Variants in MALRD1 observed in about 807,000 individuals in gnomAD.
MALRD1 encodes MAM and LDL receptor class A domain containing 1.
MALRD1 carries 247 observed loss-of-function variants against 242.1 expected under a neutral mutation model. That is an observed-to-expected ratio of 1.02 (90% CI 0.92 to 1.13). The LOEUF is 1.13. Ranked by LOEUF, MALRD1 falls within the 50% of genes most tolerant of loss-of-function variation. MALRD1 has a pLI of 0.00. For synonymous variants in MALRD1, 995 were observed against 866.6 expected (o/e 1.15, Z -2.60); for missense variants, 2,989 against 2,533.1 (o/e 1.18, Z -3.86).
In MALRD1 at chr10:19,628,795, T is replaced by A. The variant is rs578232812; in HGVS notation, c.6137+12872T>A. 1.1e-4 allele frequency among the ~76,000 whole-genome samples: 17 copies of A among 152,306 alleles called. No homozygotes were observed. The South Asian group carries it at 3.5e-3, about 32-fold the overall frequency. ...AACAAAGGAAAAAAGAGTTTTTATATTTTTAAAAATACTAACATATGTTAC... is the reference window on the plus strand; with the variant it reads ...AACAAAGGAAAAAAGAGTTTTTATAATTTTAAAAATACTAACATATGTTAC... On this transcript the variant is annotated intron_variant, in intron 36 of 39. Transcript: ENST00000454679.
In MALRD1 at chr10:19,708,319, CTTCTTTTTCTTT is replaced by C. The variant is rs199893417; in HGVS notation, c.6314+15780_6314+15791del. On this transcript the variant is annotated intron_variant, in intron 38 of 39. Transcript: ENST00000454679. ...GATGTTATGTGTTTTTTTTTTTAACCTTCTTTTTCTTTTTCTTTTTCTTTTTTTTTTTTTTTG... is the reference window on the plus strand; with the variant it reads ...GATGTTATGTGTTTTTTTTTTTAACCTTCTTTTTCTTTTTTTTTTTTTTTG... Among the ~76,000 whole-genome samples, 5 of 110,718 alleles carry C rather than the reference CTTCTTTTTCTTT, an allele frequency of 4.5e-5. 1 individual carries two copies. The highest frequency in any genetic ancestry group is 3.2e-4 in the Admixed American group (3 of 9,518). 72.6% of individuals were successfully genotyped at this position (110,718 alleles called of 152,430 possible). A position where few individuals can be genotyped will look rare whatever the true frequency, so the allele number is the denominator to read the frequency against.
At chr10:19,717,482 C>T (rs1036723036) in intron 38 of MALRD1, among the ~76,000 whole-genome samples, 1 of 152,152 alleles carries the variant, frequency 6.6e-6, no homozygotes, top group Non-Finnish European at 1.5e-5. Flanking sequence ...GTTTTCCCCT[C>T]CATAACATCT....
At chr10:19,226,577 C>T (rs1485688996) in intron 18 of MALRD1, among the ~76,000 whole-genome samples, 1 of 151,614 alleles carries the variant, frequency 6.6e-6, no homozygotes, top group Non-Finnish European at 1.5e-5. Flanking sequence ...TCCCATGAAA[C>T]CTTATAGGTC....
chr10:19,186,712 T>G (rs1209870758), intron 14 of MALRD1, among the ~76,000 whole-genome samples: 2 of 152,214 alleles, frequency 1.3e-5, no homozygotes, highest in Non-Finnish European at 2.9e-5. Context: ...GGATATTATT[T>G]TTTTGACAAG....
intron 21 of MALRD1, among the ~76,000 whole-genome samples, chr10:19,313,280 T>C (rs1392544974): frequency 2.4e-5 from 3 of 122,522 alleles, no homozygotes; most frequent in East Asian, 2.3e-4. Flanking sequence ...ATTGAAAATA[T>C]TAAACAATTT....
At chr10:19,515,368 T>C (rs1589182565) in intron 31 of MALRD1, among the ~76,000 whole-genome samples, 2 of 152,284 alleles carry the variant, frequency 1.3e-5, no homozygotes, top group East Asian at 3.9e-4. Context: ...TACTTTTTCA[T>C]AGTACACTTT....
chr10:19,534,494 T>C (rs920651485), intron 32 of MALRD1, among the ~76,000 whole-genome samples: 2 of 152,202 alleles, frequency 1.3e-5, no homozygotes, highest in Admixed American at 6.5e-5. Flanking sequence ...ATAAAGGAGA[T>C]GTGGACCCAT....
Position 19,441,367 on chromosome 10 carries a change from G to A in MALRD1, c.4846-8940G>A, listed in dbSNP as rs1035333023. Among the ~76,000 whole-genome samples, 34 of 152,162 alleles carry A rather than the reference G, an allele frequency of 2.2e-4. 1 individual carries two copies. The highest frequency in any genetic ancestry group is 2.0e-3 in the Admixed American group (30 of 15,262). ...TAATTAGATCCCATTTGTCAATTTTGGCTTTTGTTGCCATTGTTTTTGGTG... is the reference window on the plus strand; with the variant it reads ...TAATTAGATCCCATTTGTCAATTTTAGCTTTTGTTGCCATTGTTTTTGGTG... On this transcript the variant is annotated intron_variant, in intron 28 of 39. Coordinates refer to ENST00000454679, the MANE Select transcript of MALRD1 (RefSeq NM_001142308.3).
At chr10:19,520,941 T>C (rs1833853017) in intron 31 of MALRD1, among the ~76,000 whole-genome samples, 1 of 152,194 alleles carries the variant, frequency 6.6e-6, no homozygotes, top group African/African-American at 2.4e-5. Flanking sequence ...CTTTGGTATA[T>C]TTGTCTACAT....
At position 19,607,828 on chromosome 10, in the gene MALRD1, G is replaced by A. The variant is rs1838710642; in HGVS notation, c.5996G>A (p.Cys1999Tyr). Reference protein sequence around the residue: ...GALVCASSNSCIPAHQRCDGF... With the variant: ...GALVCASSNSYIPAHQRCDGF... ...CTGGTGTGTGCCTCCTCCAACAGCT[G>A]TATCCCAGCCCACCAGCGCTGTGAT... is the stretch of plus-strand genomic sequence containing the variant. The change falls in exon 35 of 40, where the codon TGT (cysteine) becomes TAT (tyrosine). Residue 1999 changes from cysteine to tyrosine, a missense_variant. Transcript: ENST00000454679. The A allele has an allele frequency of 3.2e-6, 5 of 1,549,570 alleles. No individual in the cohort carries two copies. The highest frequency in any genetic ancestry group is 4.4e-6 in the Non-Finnish European group (5 of 1,146,524).
In MALRD1 at chr10:19,123,324, T is replaced by TGAGA. The variant is rs1554793086; in HGVS notation, c.695-155_695-152dup. Among the ~76,000 whole-genome samples the TGAGA allele has an allele frequency of 5.9e-3, 887 of 150,848 alleles. 14 individuals are homozygous for TGAGA. Among genetic ancestry groups the TGAGA allele is most frequent in the African/African-American group, 0.021 (846 of 41,124 alleles). On this transcript the variant is annotated intron_variant, in intron 5 of 39. Transcript: ENST00000454679. ...GTGTGTATGTGTGTGTGTGTGTGTG[T>TGAGA]GAGAGAGAGAGAGAGAAAGAGATAG...
chr10:19,106,447 C>A (rs1297526134), intron 5 of MALRD1, among the ~76,000 whole-genome samples: 3 of 151,674 alleles, frequency 2.0e-5, no homozygotes, highest in Non-Finnish European at 3.0e-5. Context: ...TCATAATGGT[C>A]TTTTATCCTT....
At chr10:19,322,666 A>G (rs982665642) in intron 21 of MALRD1, among the ~76,000 whole-genome samples, 7 of 152,206 alleles carry the variant, frequency 4.6e-5, no homozygotes, top group Non-Finnish European at 5.9e-5. Context: ...TTATATTCGT[A>G]GAAACTTGGA....
At chr10:19,531,468 A>G (rs1834414340) in intron 32 of MALRD1, 117 bp downstream of exon 32, 1 of 975,476 alleles carries the variant, frequency 1.0e-6, no homozygotes, top group Non-Finnish European at 1.4e-6. Flanking sequence ...TGATGCCATT[A>G]ATTTCTCATT....
intron 28 of MALRD1, among the ~76,000 whole-genome samples, chr10:19,413,924 C>G (rs920268344): frequency 1.3e-5 from 2 of 150,220 alleles, no homozygotes; most frequent in African/African-American, 4.9e-5. Flanking sequence ...GCACTCCAGC[C>G]TGGGTGACAG....
intron 4 of MALRD1, among the ~76,000 whole-genome samples, chr10:19,095,282 A>T (rs1199658107): frequency 6.6e-6 from 1 of 152,320 alleles, no homozygotes; most frequent in East Asian, 1.9e-4. Context: ...TTGGTTGTAA[A>T]TCACTATAAT....
chr10:19,603,637 G>A (rs10764089), intron 34 of MALRD1, among the ~76,000 whole-genome samples: 77,836 of 151,996 alleles, frequency 0.51, 20,049 homozygotes, highest in Non-Finnish European at 0.53. Context: ...TGATGCCTCC[G>A]GCTTTGTTGT....
At chr10:19,166,568 A>G (rs1248244371) in intron 13 of MALRD1, among the ~76,000 whole-genome samples, 3 of 152,146 alleles carry the variant, frequency 2.0e-5, no homozygotes, top group Non-Finnish European at 4.4e-5. Flanking sequence ...TATTTAGGGG[A>G]TAAGATTTGG....
chr10:19,120,922 T>G (rs112856125), intron 5 of MALRD1, among the ~76,000 whole-genome samples: 11,385 of 152,170 alleles, frequency 0.075, 503 homozygotes, highest in South Asian at 0.13. Flanking sequence ...TTTTGTATTT[T>G]TAGTAGATAC....
Sources: allele counts gnomAD v4.1 joint callset (sites outside exome capture counted in the v4.1 genomes callset), GRCh38; gene constraint gnomAD v4.1.1; transcripts MANE v1.5; gene names NCBI Gene and HGNC (gene_info 2026-07-23, HGNC 2026-07-21).